Variants in TRPM3 observed in about 807,000 individuals in gnomAD.
TRPM3 encodes transient receptor potential cation channel subfamily M member 3.
TRPM3 carries 77 observed loss-of-function variants against 181.2 expected under a neutral mutation model. That is an observed-to-expected ratio of 0.42 (90% CI 0.35 to 0.51). The LOEUF (loss-of-function observed/expected upper bound fraction) is 0.51, where lower values mean the gene tolerates loss of function less well. TRPM3 is among the 20% of genes least tolerant of loss of function. The pLI, the probability that TRPM3 is intolerant of heterozygous loss-of-function variation, is 0.01. For synonymous variants in TRPM3, 745 were observed against 796.4 expected (o/e 0.94, Z 1.09); for missense variants, 1,759 against 2,196.7 (o/e 0.80, Z 3.98).
At chr9:70,561,754 G>A (rs1000086877) in intron 22 of TRPM3, among the ~76,000 whole-genome samples, 1 of 152,132 alleles carries the variant, frequency 6.6e-6, no homozygotes, top group Non-Finnish European at 1.5e-5. Context: ...AAAGGGAGTT[G>A]GGTTATTGAT....
chr9:71,256,462 C>T (rs996998612), intron 1 of TRPM3, among the ~76,000 whole-genome samples: 9 of 151,796 alleles, frequency 5.9e-5, no homozygotes, highest in African/African-American at 2.2e-4. Context: ...AATGATACAC[C>T]AAAAATTTAA....
intron 1 of TRPM3, among the ~76,000 whole-genome samples, chr9:71,202,322 C>A (rs2078857102): frequency 6.6e-6 from 1 of 152,146 alleles, no homozygotes; most frequent in South Asian, 2.1e-4. Context: ...ATTCTCAGAT[C>A]TCCATGTGCG....
intron 1 of TRPM3, among the ~76,000 whole-genome samples, chr9:71,397,930 C>G (rs2093239543): frequency 6.6e-6 from 1 of 152,148 alleles, no homozygotes; most frequent in African/African-American, 2.4e-5. Context: ...CCAAGCCAAA[C>G]TCTTACTCAA....
intron 1 of TRPM3, among the ~76,000 whole-genome samples, chr9:71,064,615 G>T (rs2061692091): frequency 6.6e-6 from 1 of 152,014 alleles, no homozygotes; most frequent in Non-Finnish European, 1.5e-5. Context: ...TTTACCTAAA[G>T]ACATGAATGC....
intron 1 of TRPM3, among the ~76,000 whole-genome samples, chr9:71,061,522 T>C (rs1323551741): frequency 6.6e-6 from 1 of 152,102 alleles, no homozygotes; most frequent in Non-Finnish European, 1.5e-5. Context: ...CTAAAATGTT[T>C]GAAAACAATA....
intron 22 of TRPM3, among the ~76,000 whole-genome samples, chr9:70,576,856 G>T (rs963745155): frequency 1.8e-4 from 27 of 151,876 alleles, no homozygotes; most frequent in South Asian, 8.3e-4. Flanking sequence ...CATTTTTTTT[G>T]ATCCTAGTTG....
rs185472438 is a variant in TRPM3, at chr9:71,320,945, C to T, written c.183+125708G>A. ...GGGCCATCCTTGACATCGCTCTCTC[C>T]CTCATCCTCCTCCCACATCGAAGGC... On this transcript the variant is annotated intron_variant, in intron 1 of 24. Coordinates refer to the TRPM3 transcript ENST00000357533. Among the ~76,000 whole-genome samples, 259 of 152,144 alleles carry T rather than the reference C, an allele frequency of 1.7e-3. 1 individual carries two copies. The highest frequency in any genetic ancestry group is 4.2e-4 in the South Asian group (2 of 4,814).
intron 7 of TRPM3, among the ~76,000 whole-genome samples, chr9:70,780,677 G>A (rs1389006018): frequency 6.6e-6 from 1 of 152,026 alleles, no homozygotes; most frequent in Non-Finnish European, 1.5e-5. Flanking sequence ...TATTCAGGTG[G>A]CACAGAGAAA....
At chr9:70,901,578 T>C (rs2096387348) in intron 1 of TRPM3, among the ~76,000 whole-genome samples, 1 of 152,024 alleles carries the variant, frequency 6.6e-6, no homozygotes, top group Non-Finnish European at 1.5e-5. Flanking sequence ...ATTTTTAATA[T>C]CCAGAAATAA....
intron 1 of TRPM3, among the ~76,000 whole-genome samples, chr9:71,259,309 G>C (rs1424548789): frequency 6.6e-6 from 1 of 152,064 alleles, no homozygotes; most frequent in Non-Finnish European, 1.5e-5. Flanking sequence ...AGGCATTTAG[G>C]GTGGTTCCAA....
rs558670437 is a variant in TRPM3, at chr9:70,670,161, G to T, written c.1345+11345C>A. Among the ~76,000 whole-genome samples, 3 of 152,222 alleles carry T rather than the reference G, an allele frequency of 2.0e-5. No individual in the cohort carries two copies. The East Asian group carries it at 5.8e-4, about 29-fold the overall frequency. On this transcript the variant is annotated intron_variant, in intron 9 of 25. Coordinates refer to ENST00000677713, the MANE Select transcript of TRPM3 (RefSeq NM_001366145.2). ...CTGGAAATTTCTGTTGGAAGATGGG[G>T]TTTGATCATACCTACCAGTTTGCCT... is the stretch of plus-strand genomic sequence containing the variant.
chr9:71,033,666 C>G (rs2057819651), intron 1 of TRPM3, among the ~76,000 whole-genome samples: 1 of 152,196 alleles, frequency 6.6e-6, no homozygotes, highest in African/African-American at 2.4e-5. Context: ...GCACCTTCTC[C>G]TACCATGCAG....
At chr9:71,387,286 T>A (rs1438869336) in intron 1 of TRPM3, among the ~76,000 whole-genome samples, 1 of 152,166 alleles carries the variant, frequency 6.6e-6, no homozygotes, top group Non-Finnish European at 1.5e-5. Context: ...CAAACCTAGT[T>A]TCTGAATTCT....
chr9:71,034,424 T>A (rs899316035), intron 1 of TRPM3, among the ~76,000 whole-genome samples: 2 of 152,286 alleles, frequency 1.3e-5, no homozygotes, highest in African/African-American at 4.8e-5. Flanking sequence ...AGGTGAATAT[T>A]TCATTCATAC....
intron 8 of TRPM3, among the ~76,000 whole-genome samples, chr9:70,757,163 T>A (rs2077232582): frequency 6.6e-6 from 1 of 152,116 alleles, no homozygotes; most frequent in African/African-American, 2.4e-5. Flanking sequence ...TCACCACTGA[T>A]CCCACAGATG....
chr9:71,179,129 G>A (rs1031306501), intron 1 of TRPM3, among the ~76,000 whole-genome samples: 3 of 152,026 alleles, frequency 2.0e-5, no homozygotes, highest in Non-Finnish European at 4.4e-5. Flanking sequence ...TGTTTTCAAG[G>A]AATTAACAGC....
chr9:71,288,440 G>T (rs920676567), intron 1 of TRPM3, among the ~76,000 whole-genome samples: 1 of 152,026 alleles, frequency 6.6e-6, no homozygotes, highest in East Asian at 1.9e-4. Context: ...AACAGACAAA[G>T]TTCATCTGAG....
chr9:71,424,039 T>C (rs2093822209), intron 1 of TRPM3, among the ~76,000 whole-genome samples: 2 of 152,140 alleles, frequency 1.3e-5, no homozygotes, highest in Non-Finnish European at 2.9e-5. Context: ...TCAATAGTTT[T>C]TCAACATTCT....
At chr9:71,339,707 A>G (rs1361046626) in intron 1 of TRPM3, among the ~76,000 whole-genome samples, 2 of 152,098 alleles carry the variant, frequency 1.3e-5, no homozygotes, top group African/African-American at 4.8e-5. Flanking sequence ...ATAGGACTAG[A>G]CAACAGATCT....
Sources: gnomAD v4.1 joint callset for allele counts (sites outside exome capture counted in the v4.1 genomes callset) on GRCh38, gnomAD v4.1.1 for gene constraint, MANE v1.5 for transcripts, NCBI Gene and HGNC (gene_info 2026-07-23, HGNC 2026-07-21) for gene names.